ANO3: variants seen among roughly 807,000 people sequenced by gnomAD.
ANO3 encodes anoctamin-3.
ANO3 carries 99 observed loss-of-function variants against 144.8 expected under a neutral mutation model. The observed-to-expected ratio is 0.68, with a 90% CI of 0.58 to 0.81. The LOEUF is 0.81. Among genes scored for constraint, ANO3 ranks in the 30% least tolerant of loss-of-function variants. ANO3 has a pLI of 0.00. For missense variants in ANO3, 905 were observed against 1,202.2 expected (o/e 0.75, Z 3.66); for synonymous variants, 414 against 392.6 (o/e 1.05, Z -0.64).
chr11:26,564,244 A>C (rs1391975334), intron 14 of ANO3, among the ~76,000 whole-genome samples: 1 of 151,714 alleles, frequency 6.6e-6, no homozygotes, highest in African/African-American at 2.4e-5. Flanking sequence ...AATCATAGTT[A>C]AATGTACATA....
upstream of ANO3, among the ~76,000 whole-genome samples, chr11:26,305,301 G>T (rs1854355789): frequency 6.6e-6 from 1 of 152,040 alleles, no homozygotes; most frequent in South Asian, 2.1e-4. Flanking sequence ...TATGATTAAA[G>T]GCAACTTTGA....
At chr11:26,559,871 CA>C (rs1268623529) in intron 14 of ANO3, 92 bp downstream of exon 14, 27 of 797,590 alleles carry the variant, frequency 3.4e-5, no homozygotes, top group Middle Eastern at 3.8e-4. Flanking sequence ...CACACACACA[CA>C]CACCATGAAT....
intron 13 of ANO3, among the ~76,000 whole-genome samples, chr11:26,558,498 C>T (rs887483613): frequency 6.6e-6 from 1 of 151,918 alleles, no homozygotes; most frequent in Admixed American, 6.6e-5. Context: ...CTTTATGATC[C>T]TTTTCTCTCC....
chr11:26,624,938 CTGAGATGGAGCCT>C, intron 18 of ANO3, among the ~76,000 whole-genome samples: 1 of 111,616 alleles, frequency 9.0e-6, no homozygotes, highest in East Asian at 2.7e-4. Context: ...TTTTTTTTTT[CTGAGATGGAGCCT>C]TGCTCAGTCG....
chr11:26,472,804 G>A (rs369174205), intron 4 of ANO3, among the ~76,000 whole-genome samples: 5 of 151,822 alleles, frequency 3.3e-5, no homozygotes, highest in African/African-American at 9.7e-5. Flanking sequence ...ATGTATTTCC[G>A]CACACAGCCT....
intron 1 of ANO3, among the ~76,000 whole-genome samples, chr11:26,212,654 C>T (rs1004572956): frequency 6.6e-6 from 1 of 151,894 alleles, no homozygotes; most frequent in Non-Finnish European, 1.5e-5. Flanking sequence ...AGCCTACCAA[C>T]CAAAAAAAGC....
intron 1 of ANO3, among the ~76,000 whole-genome samples, chr11:26,411,388 C>A (rs532566096): frequency 6.6e-6 from 1 of 151,874 alleles, no homozygotes; most frequent in African/African-American, 2.4e-5. Flanking sequence ...AAAGTGTTTG[C>A]TATTTTCACT....
chr11:26,246,606 GTTCTTTAT>G (rs1852802132), intron 1 of ANO3, among the ~76,000 whole-genome samples: 36 of 149,640 alleles, frequency 2.4e-4, no homozygotes, highest in African/African-American at 8.6e-4. Flanking sequence ...ATTTTTAAGA[GTTCTTTAT>G]ATGTTGTTAC....
intron 4 of ANO3, among the ~76,000 whole-genome samples, chr11:26,464,497 A>G (rs1402666825): frequency 6.6e-6 from 1 of 151,874 alleles, no homozygotes; most frequent in Non-Finnish European, 1.5e-5. Flanking sequence ...CTACGATTAA[A>G]TAGTTTGTAT....
intron 17 of ANO3, among the ~76,000 whole-genome samples, chr11:26,609,428 T>C (rs547274663): frequency 6.6e-6 from 1 of 151,500 alleles, no homozygotes; most frequent in African/African-American, 2.4e-5. Context: ...AGGATTCCCA[T>C]ATCCTGCAGG....
chr11:26,657,634 C>A (rs1442185765), intron 26 of ANO3, among the ~76,000 whole-genome samples: 1 of 151,862 alleles, frequency 6.6e-6, no homozygotes, highest in African/African-American at 2.4e-5. Context: ...CCTTTTCATC[C>A]GTATAAATTC....
In ANO3 at chr11:26,463,015, CTT is replaced by C; in HGVS notation, c.314-13_314-12del. 1 of 1,348,966 alleles carries C rather than the reference CTT, an allele frequency of 7.4e-7. No individual in the cohort carries two copies. The highest frequency in any genetic ancestry group is 1.0e-6 in the Non-Finnish European group (1 of 985,518). The allele number at this position is 1,348,966 out of a possible 1,614,324, so 83.6% of individuals were successfully genotyped here. The stretch of plus-strand genomic sequence containing the variant: ...ACTATAGAAATGGATATAACTTTCT[CTT>C]TCTCTTTTATAGCCCTAGGAAAAGA... On this transcript the variant is annotated splice_polypyrimidine_tract_variant and intron_variant, in intron 3 of 26. Transcript: ENST00000256737.
intron 3 of ANO3, among the ~76,000 whole-genome samples, chr11:26,444,750 G>C (rs997283555): frequency 6.6e-6 from 1 of 152,118 alleles, no homozygotes; most frequent in Non-Finnish European, 1.5e-5. Flanking sequence ...TAAATCACTC[G>C]TCATAACTTT....
In ANO3 at chr11:26,442,859, C is replaced by A. The variant is rs146374498; in HGVS notation, c.241+747C>A. On this transcript the variant is annotated intron_variant, in intron 2 of 26. Transcript: ENST00000256737. Reference sequence around the variant, plus strand: ...TCGGCTCACTGTAACGTCTGCCTCCCGGGTTCAAGTGATTCTCTTGCCTCA... The same window carrying A: ...TCGGCTCACTGTAACGTCTGCCTCCAGGGTTCAAGTGATTCTCTTGCCTCA... Among the ~76,000 whole-genome samples the A allele has an allele frequency of 9.6e-3, 1,457 of 152,184 alleles. 12 individuals are homozygous for A. The highest frequency in any genetic ancestry group is 0.033 in the African/African-American group (1,358 of 41,524).
At chr11:26,286,833 A>C (rs1456734503) in intron 1 of ANO3, among the ~76,000 whole-genome samples, 1 of 152,214 alleles carries the variant, frequency 6.6e-6, no homozygotes, top group East Asian at 1.9e-4. Flanking sequence ...ATGTTAAAAC[A>C]AACAGGGCTT....
chr11:26,216,149 TCTGA>T (rs1209806577), intron 1 of ANO3, among the ~76,000 whole-genome samples: 2 of 152,048 alleles, frequency 1.3e-5, no homozygotes, highest in East Asian at 3.8e-4. Context: ...CTTAGAATAC[TCTGA>T]CTACTAAAAT....
intron 1 of ANO3, among the ~76,000 whole-genome samples, chr11:26,418,795 C>T (rs978100939): frequency 6.6e-6 from 1 of 151,856 alleles, no homozygotes; most frequent in African/African-American, 2.4e-5. Flanking sequence ...GGTACCTTCA[C>T]AAAATAGGAG....
chr11:26,504,214 A>G (rs1339764066), intron 4 of ANO3, among the ~76,000 whole-genome samples: 1 of 152,158 alleles, frequency 6.6e-6, no homozygotes, highest in Non-Finnish European at 1.5e-5. Context: ...ATTTTAGCCT[A>G]TTATAATTTG....
At chr11:26,552,192 ATCTTTGCCCGC>A (rs1344474179) in intron 12 of ANO3, among the ~76,000 whole-genome samples, 21 of 152,034 alleles carry the variant, frequency 1.4e-4, no homozygotes, top group Admixed American at 5.9e-4. Context: ...ACATAAAATC[ATCTTTGCCCGC>A]TGTAAAGCAT....
Sources: gnomAD v4.1 joint callset for allele counts (sites outside exome capture counted in the v4.1 genomes callset) on GRCh38, gnomAD v4.1.1 for gene constraint, MANE v1.5 for transcripts, NCBI Gene and HGNC (gene_info 2026-07-23, HGNC 2026-07-21) for gene names.